Variants in ABTB3 observed in about 807,000 individuals in gnomAD.
ABTB3 encodes ankyrin repeat and BTB domain containing 3, also known as ankyrin repeat- and BTB/POZ domain-containing protein 3.
At chr12:107,582,288 C>A in the ABTB3 span, among the ~76,000 whole-genome samples, 2 of 152,152 alleles carry the variant, frequency 1.3e-5, no homozygotes, top group Admixed American at 1.3e-4. Flanking sequence ...ATGAATATTT[C>A]CCAAACAGTG....
chr12:107,584,523 G>A, the ABTB3 span, among the ~76,000 whole-genome samples: 5 of 152,190 alleles, frequency 3.3e-5, no homozygotes, highest in East Asian at 7.7e-4. Flanking sequence ...GTTCTGAGTC[G>A]GTCAGAGCTG....
the ABTB3 span, among the ~76,000 whole-genome samples, chr12:107,409,814 G>A: frequency 7.8e-4 from 118 of 152,134 alleles, no homozygotes; most frequent in Non-Finnish European, 1.6e-3. Flanking sequence ...GTTTACCTAT[G>A]TAACAAACCT....
At chr12:107,394,944 A>G in the ABTB3 span, among the ~76,000 whole-genome samples, 1 of 152,182 alleles carries the variant, frequency 6.6e-6, no homozygotes, top group Admixed American at 6.5e-5. Context: ...GGGTTTCCCC[A>G]GGGTCCTTGT....
the ABTB3 span, among the ~76,000 whole-genome samples, chr12:107,475,930 T>C: frequency 5.3e-5 from 8 of 152,068 alleles, no homozygotes; most frequent in South Asian, 2.1e-4. Flanking sequence ...CCAGAGAACA[T>C]TTTCACATCT....
the ABTB3 span, chr12:107,612,663 A>C: frequency 4.9e-6 from 5 of 1,029,096 alleles, no homozygotes; most frequent in East Asian, 1.3e-4. Flanking sequence ...TATTTTTGTC[A>C]TGCCGGAGCA....
chr12:107,618,250 C>A, the ABTB3 span: 6 of 1,613,698 alleles, frequency 3.7e-6, no homozygotes, highest in Non-Finnish European at 5.1e-6. Flanking sequence ...ACTGACCTGG[C>A]GGAGACAGCC....
chr12:107,488,047 G>A, the ABTB3 span, among the ~76,000 whole-genome samples: 2 of 151,934 alleles, frequency 1.3e-5, no homozygotes, highest in East Asian at 1.9e-4. Context: ...CAGGTGGGAG[G>A]GTGGAAGTTG....
At chr12:107,470,708 T>C in the ABTB3 span, among the ~76,000 whole-genome samples, 3 of 152,218 alleles carry the variant, frequency 2.0e-5, no homozygotes, top group African/African-American at 4.8e-5. Flanking sequence ...GACCCTGGCC[T>C]GGTGGCACCT....
the ABTB3 span, among the ~76,000 whole-genome samples, chr12:107,584,728 A>C: frequency 2.6e-5 from 4 of 152,228 alleles, no homozygotes; most frequent in East Asian, 7.7e-4. Context: ...GACCAGAGTC[A>C]AGGATTCCCA....
chr12:107,440,317 C>T, the ABTB3 span, among the ~76,000 whole-genome samples: 13 of 152,356 alleles, frequency 8.5e-5, no homozygotes, highest in Admixed American at 6.5e-4. Context: ...CTTTCAGTTT[C>T]CCAGACACCC....
At chr12:107,496,969 A>G in the ABTB3 span, among the ~76,000 whole-genome samples, 2 of 152,132 alleles carry the variant, frequency 1.3e-5, no homozygotes, top group Non-Finnish European at 2.9e-5. Flanking sequence ...CTCTAGCCCT[A>G]GGTGTGAACT....
At chr12:107,581,361 C>T in the ABTB3 span, 7 of 1,255,090 alleles carry the variant, frequency 5.6e-6, no homozygotes, top group East Asian at 1.8e-4. Context: ...GCCTCGCAGC[C>T]TCCACCCCTC....
chr12:107,386,126 G>C, the ABTB3 span, among the ~76,000 whole-genome samples: 1 of 152,140 alleles, frequency 6.6e-6, no homozygotes, highest in Non-Finnish European at 1.5e-5. Context: ...CCTTTGCCCT[G>C]GCACTTACCT....
chr12:107,370,757 A>ATTTTTTTTTTTTTTTTTTTTTTTTTT, the ABTB3 span, among the ~76,000 whole-genome samples: 1 of 87,464 alleles, frequency 1.1e-5, no homozygotes, highest in Non-Finnish European at 2.1e-5. Context: ...CAAAAAAGGG[A>ATTTTTTTTTTTTTTTTTTTTTTTTTT]TTTTTTTTTT....
chr12:107,355,234 C>T, the ABTB3 span, among the ~76,000 whole-genome samples: 8 of 152,220 alleles, frequency 5.3e-5, no homozygotes, highest in Admixed American at 2.0e-4. Context: ...CTGGGCTCAC[C>T]GTCTATGAGC....
chr12:107,373,272 G>C, the ABTB3 span, among the ~76,000 whole-genome samples: 2 of 148,850 alleles, frequency 1.3e-5, no homozygotes, highest in Non-Finnish European at 3.0e-5. Context: ...TGTGTAGATG[G>C]AGCAATTCCC....
the ABTB3 span, among the ~76,000 whole-genome samples, chr12:107,602,022 T>C: frequency 6.6e-6 from 1 of 151,808 alleles, no homozygotes; most frequent in African/African-American, 2.4e-5. Flanking sequence ...TACACTGGAG[T>C]AAAACTCTCA....
At chr12:107,559,092 G>T in the ABTB3 span, among the ~76,000 whole-genome samples, 1 of 152,198 alleles carries the variant, frequency 6.6e-6, no homozygotes, top group African/African-American at 2.4e-5. Flanking sequence ...AGTGGGTGGG[G>T]AAGAGAAGGA....
At chr12:107,362,726 G>T in the ABTB3 span, among the ~76,000 whole-genome samples, 3 of 152,018 alleles carry the variant, frequency 2.0e-5, no homozygotes, top group African/African-American at 7.3e-5. Context: ...CGAGGAGCTT[G>T]AGGCTGCAGT....
Sources: gnomAD v4.1 joint callset for allele counts (sites outside exome capture counted in the v4.1 genomes callset) on GRCh38, gnomAD v4.1.1 for gene constraint, MANE v1.5 for transcripts, NCBI Gene and HGNC (gene_info 2026-07-23, HGNC 2026-07-21) for gene names.